The following ATP6V0A4 variants were observed in gnomAD, a reference collection of about 807,000 sequenced individuals.
ATP6V0A4 encodes the protein V-type proton ATPase 116 kDa subunit a 4.
Under a neutral mutation model 107.3 loss-of-function variants are expected in ATP6V0A4, and 86 were observed. That is an observed-to-expected ratio of 0.80 (90% CI 0.67 to 0.96). The LOEUF is 0.96. ATP6V0A4 is among the 40% of genes least tolerant of loss of function. ATP6V0A4 has a pLI of 0.00. For missense variants in ATP6V0A4, 908 were observed against 1,045.6 expected (o/e 0.87, Z 1.81); for synonymous variants, 353 against 381.4 (o/e 0.93, Z 0.87).
At chr7:138,760,689 A>G (rs1356353990) in intron 7 of ATP6V0A4, among the ~76,000 whole-genome samples, 3 of 152,128 alleles carry the variant, frequency 2.0e-5, no homozygotes, top group Non-Finnish European at 4.4e-5. Context: ...ATGTTCATTG[A>G]TCCTGTATTA....
At position 138,771,098 on chromosome 7, in the gene ATP6V0A4, C is replaced by T. The variant is rs371543171; in HGVS notation, c.117+33G>A. 1.9e-6 allele frequency: 3 copies of T among 1,598,626 alleles called. No homozygotes were observed. The African/African-American group carries it at 4.0e-5, about 21-fold the overall frequency. Reference sequence around the variant, plus strand: ...AAGAGTTATCTACTCCCACCCCTGCCTTCCTCTTATCTCCAAAGAACTCAG... The same window carrying T: ...AAGAGTTATCTACTCCCACCCCTGCTTTCCTCTTATCTCCAAAGAACTCAG... On this transcript the variant is annotated intron_variant, in intron 3 of 21. Coordinates refer to ENST00000310018, the MANE Select transcript of ATP6V0A4 (RefSeq NM_020632.3).
Position 138,730,934 on chromosome 7 carries a change from T to C in ATP6V0A4, c.1908+1943A>G, listed in dbSNP as rs200366901. Among the ~76,000 whole-genome samples the C allele has an allele frequency of 1.9e-3, 214 of 113,048 alleles. 5 individuals are homozygous for C. The highest frequency in any genetic ancestry group is 9.8e-3 in the African/African-American group (194 of 19,742). 74.2% of individuals were successfully genotyped at this position (113,048 alleles called of 152,430 possible). A position where few individuals can be genotyped will look rare whatever the true frequency, so the allele number is the denominator to read the frequency against. ...GGCATTTTTTCTTCTTCTTCTTCTT[T>C]TTTTATTTTTTTTTTTGAGACAGAG... On this transcript the variant is annotated intron_variant, in intron 17 of 21. Transcript: ENST00000310018.
At chr7:138,746,095 T>C (rs1429908041) in intron 13 of ATP6V0A4, among the ~76,000 whole-genome samples, 1 of 148,012 alleles carries the variant, frequency 6.8e-6, no homozygotes, top group Admixed American at 7.0e-5. Context: ...CATTAGAAAA[T>C]AAACTGAAGT....
rs1808372552 is a variant in ATP6V0A4 at position 138,790,720 on chromosome 7, AT to A, written c.-120-4461del. On this transcript the variant is annotated intron_variant, in intron 1 of 21. Coordinates refer to ENST00000310018, the MANE Select transcript of ATP6V0A4 (RefSeq NM_020632.3). ...TGCATTTTTGTGCTCATCTTTGGTT[AT>A]TTCCTTGGGGATGAAATTTCTAAAG... Among the ~76,000 whole-genome samples, 3 of 152,264 alleles carry A rather than the reference AT, an allele frequency of 2.0e-5. No homozygotes were observed. The East Asian group carries it at 5.8e-4, about 29-fold the overall frequency.
chr7:138,765,970 TC>T (rs926633927), intron 5 of ATP6V0A4, among the ~76,000 whole-genome samples: 3 of 152,128 alleles, frequency 2.0e-5, no homozygotes, highest in African/African-American at 4.8e-5. Context: ...CAGACTGGTC[TC>T]AAACCCCTGA....
chr7:138,708,778 A>T (rs1803581144), intron 21 of ATP6V0A4, among the ~76,000 whole-genome samples: 1 of 152,206 alleles, frequency 6.6e-6, no homozygotes, highest in Non-Finnish European at 1.5e-5. Context: ...AACAAGAGCC[A>T]AACATCCCAG....
intron 5 of ATP6V0A4, among the ~76,000 whole-genome samples, chr7:138,767,874 C>T: frequency 6.6e-6 from 1 of 152,184 alleles, no homozygotes; most frequent in East Asian, 1.9e-4. Flanking sequence ...TTGGAGGGCA[C>T]AGTCATGTTT....
chr7:138,749,316 TC>T lies in ATP6V0A4; in HGVS notation c.1030del (p.Glu344AsnfsTer2). 1 of 1,600,064 alleles carries T rather than the reference TC, an allele frequency of 6.2e-7. No homozygotes were observed. The highest frequency in any genetic ancestry group is 1.1e-5 in the South Asian group (1 of 90,486). On this transcript the variant is annotated frameshift_variant and splice_region_variant, in exon 12 of 22. Coordinates refer to ENST00000310018, the MANE Select transcript of ATP6V0A4 (RefSeq NM_020632.3). LOFTEE classifies it high-confidence loss of function. ...GGGGGCCATGGAGGAGCCACTTAGT[TC>T]CTGGAAAAAAAAAAAAAAGCGACAA... ...RIKRALEQGMELSGSSMAPIM... is the reference protein window; with the variant it reads ...RIKRALEQGMXLSGSSMAPIM...
At chr7:138,782,219 T>C (rs1037124274) in intron 2 of ATP6V0A4, among the ~76,000 whole-genome samples, 1 of 152,214 alleles carries the variant, frequency 6.6e-6, no homozygotes, top group African/African-American at 2.4e-5. Flanking sequence ...TCCAGGTCTC[T>C]TACTTGGCTG....
At chr7:138,748,070 C>T (rs1286624437) in intron 12 of ATP6V0A4, among the ~76,000 whole-genome samples, 5 of 151,876 alleles carry the variant, frequency 3.3e-5, no homozygotes, top group African/African-American at 1.2e-4. Context: ...AGTAGGCATT[C>T]TTATTCCCCA....
At chr7:138,728,970 GA>G (rs756583903) in intron 17 of ATP6V0A4, 108 bp from the exon 18 acceptor site, 14 of 1,589,222 alleles carry the variant, frequency 8.8e-6, no homozygotes, top group Non-Finnish European at 1.2e-5. Context: ...TTTATTTTGA[GA>G]GATCTAAAGC....
intron 11 of ATP6V0A4, among the ~76,000 whole-genome samples, chr7:138,749,739 G>C (rs137881234): frequency 6.6e-6 from 1 of 151,964 alleles, no homozygotes; most frequent in Non-Finnish European, 1.5e-5. Context: ...AAATCCAGGA[G>C]TCTAATCCTG....
Position 138,755,737 on chromosome 7 carries a change from G to A in ATP6V0A4, c.768C>T (p.Arg256=). The part of the protein sequence containing the change: ...VYPCPEPAVE[R]REMLESVNVR... ...CATTGACGCTCTCCAACATCTCTCTGCGCTCCACCGCAGGCTCTGGGCAAG... is the reference window on the plus strand; with the variant it reads ...CATTGACGCTCTCCAACATCTCTCTACGCTCCACCGCAGGCTCTGGGCAAG... The change falls in exon 10 of 22, where the codon CGC becomes CGT. Residue 256 remains arginine, a synonymous_variant. Transcript: ENST00000310018. 2 of 1,613,854 alleles carry A rather than the reference G, an allele frequency of 1.2e-6. No homozygotes were observed. The highest frequency in any genetic ancestry group is 1.7e-6 in the Non-Finnish European group (2 of 1,180,044).
intron 1 of ATP6V0A4, among the ~76,000 whole-genome samples, chr7:138,792,791 T>G (rs1214499106): frequency 7.6e-6 from 1 of 131,032 alleles, no homozygotes; most frequent in Non-Finnish European, 1.6e-5. Context: ...GTTTTGTTTT[T>G]TTTTTTGTAG....
In ATP6V0A4 at chr7:138,792,109, C is replaced by T. The variant is rs6962992; in HGVS notation, c.-120-5849G>A. 3.2e-3 allele frequency among the ~76,000 whole-genome samples: 494 copies of T among 152,198 alleles called. 5 individuals carry two copies. Among genetic ancestry groups the T allele is most frequent in the African/African-American group, 0.012 (479 of 41,518 alleles). ...AGATCACGAGGTCAGGAGATCGAGA[C>T]CATCCTGGCTAACACGGTGAAACCC... On this transcript the variant is annotated intron_variant, in intron 1 of 21. Coordinates refer to ENST00000310018, the MANE Select transcript of ATP6V0A4 (RefSeq NM_020632.3).
intron 7 of ATP6V0A4, among the ~76,000 whole-genome samples, chr7:138,760,236 G>A (rs1806734935): frequency 6.6e-6 from 1 of 152,050 alleles, no homozygotes. Flanking sequence ...CTGAGGTCAG[G>A]AGTTCGAGAC....
chr7:138,761,225 G>T lies in ATP6V0A4; in HGVS notation c.512+1115C>A, dbSNP rs191059708. ...CATTGTGCCTGTGGTCCAGCTACTC[G>T]CGAGGCAGAGGTAGGAAGATCACTT... On this transcript the variant is annotated intron_variant, in intron 7 of 21. Coordinates refer to ENST00000310018, the MANE Select transcript of ATP6V0A4 (RefSeq NM_020632.3). 7.6e-4 allele frequency among the ~76,000 whole-genome samples: 116 copies of T among 152,080 alleles called. 1 individual carries two copies. Among genetic ancestry groups the T allele is most frequent in the African/African-American group, 2.7e-3 (110 of 41,482 alleles).
At position 138,749,190 on chromosome 7, in the gene ATP6V0A4, C is replaced by T; in HGVS notation, c.1157G>A (p.Gly386Asp). 1 of 1,614,140 alleles carries T rather than the reference C, an allele frequency of 6.2e-7. No homozygotes were observed. The highest frequency in any genetic ancestry group is 8.5e-7 in the Non-Finnish European group (1 of 1,180,036). ...FQNIVDAYGV[G>D]SYREINPAPY... ...ACCTGGGTTTATCTCCCGGTAGCTG[C>T]CGACACCATAGGCATCAACAATATT... Residue 386 changes from glycine to aspartate, a missense_variant, in exon 12 of 22, where the codon GGC becomes GAC. Transcript: ENST00000310018.
At chr7:138,732,534 C>A (rs1200619604) in intron 17 of ATP6V0A4, among the ~76,000 whole-genome samples, 1 of 152,038 alleles carries the variant, frequency 6.6e-6, no homozygotes, top group Non-Finnish European at 1.5e-5. Flanking sequence ...TGGCTCACAC[C>A]TGTAATCCCA....
Sources: allele counts gnomAD v4.1 joint callset (sites outside exome capture counted in the v4.1 genomes callset), GRCh38; gene constraint gnomAD v4.1.1; transcripts MANE v1.5; gene names NCBI Gene and HGNC (gene_info 2026-07-23, HGNC 2026-07-21).